The following FMN1 variants were observed in gnomAD, a reference collection of about 807,000 sequenced individuals.
FMN1 encodes the protein formin-1.
FMN1 carries 110 observed loss-of-function variants against 132.4 expected under a neutral mutation model. The observed-to-expected ratio is 0.83, with a 90% CI of 0.71 to 0.97. FMN1 has a LOEUF of 0.97. FMN1 is among the 50% of genes least tolerant of loss of function. The probability of loss-of-function intolerance (pLI) is 0.00; values close to 1 mark genes in which losing one functional copy is unlikely to be tolerated. For missense variants in FMN1, 1,792 were observed against 1,705.3 expected (o/e 1.05, Z -0.90); for synonymous variants, 722 against 651.7 (o/e 1.11, Z -1.64).
intron 7 of FMN1, among the ~76,000 whole-genome samples, chr15:32,970,262 G>A (rs999610193): frequency 6.6e-6 from 1 of 152,112 alleles, no homozygotes; most frequent in Non-Finnish European, 1.5e-5. Flanking sequence ...TAACCAGCCC[G>A]TTCCTCAGCA....
At chr15:33,030,463 T>C (rs2035885017) in intron 6 of FMN1, among the ~76,000 whole-genome samples, 1 of 152,240 alleles carries the variant, frequency 6.6e-6, no homozygotes, top group African/African-American at 2.4e-5. Context: ...TGAAGTTTTG[T>C]GTTAAGAGCT....
intron 9 of FMN1, among the ~76,000 whole-genome samples, chr15:32,955,810 CGTGT>C (rs71682708): frequency 2.0e-3 from 302 of 150,190 alleles, no homozygotes; most frequent in Admixed American, 3.2e-3. Context: ...TGTGCGTGTG[CGTGT>C]GTGTGTGTGT....
intron 6 of FMN1, among the ~76,000 whole-genome samples, chr15:33,024,640 A>C (rs377223389): frequency 1.3e-5 from 2 of 152,224 alleles, no homozygotes; most frequent in African/African-American, 4.8e-5. Flanking sequence ...TAACTGCAAC[A>C]ATCACTTTAG....
chr15:32,983,907 A>C (rs1199041643), intron 7 of FMN1, among the ~76,000 whole-genome samples: 3 of 152,202 alleles, frequency 2.0e-5, no homozygotes, highest in Non-Finnish European at 2.9e-5. Flanking sequence ...GTACTGCCAC[A>C]TTCAGTATCA....
chr15:33,032,256 T>C (rs570004200), intron 6 of FMN1, among the ~76,000 whole-genome samples: 2 of 152,314 alleles, frequency 1.3e-5, no homozygotes, highest in Middle Eastern at 3.4e-3. Context: ...GAGTACATCA[T>C]GGTTTTAATG....
intron 3 of FMN1, among the ~76,000 whole-genome samples, chr15:33,167,475 C>A (rs1965154560): frequency 6.6e-6 from 1 of 152,148 alleles, no homozygotes; most frequent in South Asian, 2.1e-4. Flanking sequence ...ACTAATACAG[C>A]CAACATTTCA....
intron 15 of FMN1, among the ~76,000 whole-genome samples, chr15:32,890,608 T>C (rs1030613955): frequency 2.6e-5 from 4 of 152,114 alleles, no homozygotes; most frequent in East Asian, 1.9e-4. Context: ...GACTTTTTGA[T>C]GAGATTGTTC....
At chr15:32,876,293 A>G (rs745990101) in intron 16 of FMN1, among the ~76,000 whole-genome samples, 36 of 152,230 alleles carry the variant, frequency 2.4e-4, no homozygotes, top group South Asian at 4.1e-4. Flanking sequence ...TACTATTTCT[A>G]TAAGTTTTAA....
chr15:32,995,964 T>C (rs1403165729), intron 7 of FMN1, among the ~76,000 whole-genome samples: 1 of 152,184 alleles, frequency 6.6e-6, no homozygotes, highest in South Asian at 2.1e-4. Context: ...TAACAGTAAA[T>C]ACAGAATGTT....
At chr15:32,883,508 T>TAAAA (rs2059819446) in intron 16 of FMN1, among the ~76,000 whole-genome samples, 1 of 16,264 alleles carries the variant, frequency 6.1e-5, no homozygotes, top group Non-Finnish European at 1.2e-4. Flanking sequence ...AGAACCTATC[T>TAAAA]CAAAAAAAAA....
At chr15:32,895,569 T>TA (rs1421709439) in intron 15 of FMN1, among the ~76,000 whole-genome samples, 2 of 152,072 alleles carry the variant, frequency 1.3e-5, no homozygotes, top group East Asian at 3.9e-4. Context: ...CCATTTGACT[T>TA]AGAGACCTTA....
intron 7 of FMN1, among the ~76,000 whole-genome samples, chr15:32,977,753 A>T (rs569775117): frequency 2.0e-5 from 3 of 152,366 alleles, no homozygotes; most frequent in Non-Finnish European, 2.9e-5. Context: ...TCTAAGCAAT[A>T]TAAACAGATA....
intron 10 of FMN1, among the ~76,000 whole-genome samples, chr15:32,925,781 C>A (rs2060944498): frequency 6.6e-6 from 1 of 152,144 alleles, no homozygotes; most frequent in Non-Finnish European, 1.5e-5. Context: ...TACCCCTGGG[C>A]CGGGCGCAGT....
intron 17 of FMN1, among the ~76,000 whole-genome samples, chr15:32,825,213 C>T (rs2058333892): frequency 6.6e-6 from 1 of 152,236 alleles, no homozygotes; most frequent in Non-Finnish European, 1.5e-5. Flanking sequence ...TATTTGTCTA[C>T]ACAGCAACCA....
chr15:33,074,692 C>T (rs2038130740), intron 5 of FMN1, among the ~76,000 whole-genome samples: 1 of 152,076 alleles, frequency 6.6e-6, no homozygotes, highest in South Asian at 2.1e-4. Context: ...CTTGTGATGA[C>T]CAAGGAACAC....
At chr15:32,842,872 TCCTAACA>T (rs2058775577) in intron 17 of FMN1, among the ~76,000 whole-genome samples, 1 of 147,100 alleles carries the variant, frequency 6.8e-6, no homozygotes, top group African/African-American at 2.5e-5. Context: ...ACACCTGTAA[TCCTAACA>T]CTTTGGGAGG....
At chr15:33,106,453 G>A (rs1434252622) in intron 4 of FMN1, among the ~76,000 whole-genome samples, 1 of 151,896 alleles carries the variant, frequency 6.6e-6, no homozygotes, top group Non-Finnish European at 1.5e-5. Flanking sequence ...TTAGCTTTTA[G>A]AGGAATTTTG....
intron 5 of FMN1, among the ~76,000 whole-genome samples, chr15:33,068,318 T>C (rs2037843921): frequency 6.6e-6 from 1 of 152,148 alleles, no homozygotes; most frequent in Admixed American, 6.5e-5. Flanking sequence ...TCCTCATTGG[T>C]GAGCAAGTGA....
At chr15:32,978,575 GTAT>G (rs1029584905) in intron 7 of FMN1, among the ~76,000 whole-genome samples, 7 of 152,126 alleles carry the variant, frequency 4.6e-5, no homozygotes, top group Non-Finnish European at 8.8e-5. Flanking sequence ...ATTTTATGTT[GTAT>G]TATTATTATC....
Sources: gnomAD v4.1 joint callset for allele counts (sites outside exome capture counted in the v4.1 genomes callset) on GRCh38, gnomAD v4.1.1 for gene constraint, MANE v1.5 for transcripts, NCBI Gene and HGNC (gene_info 2026-07-23, HGNC 2026-07-21) for gene names.